The following TMPRSS4 variants were observed in gnomAD, a reference collection of about 807,000 sequenced individuals.
TMPRSS4 encodes the protein transmembrane protease serine 4.
TMPRSS4 carries 45 observed loss-of-function variants against 56.4 expected under a neutral mutation model. The observed-to-expected ratio is 0.80, with a 90% CI of 0.63 to 1.02. The LOEUF is 1.02. Among genes scored for constraint, TMPRSS4 ranks in the 50% least tolerant of loss-of-function variants. TMPRSS4 has a pLI of 0.00. For synonymous variants in TMPRSS4, 205 were observed against 211.0 expected, an observed-to-expected ratio of 0.97 and a Z score of 0.25; for missense variants, 546 against 556.7, an observed-to-expected ratio of 0.98 and a Z score of 0.19.
chr11:118,094,586 G>C (rs1457679689), intron 1 of TMPRSS4, among the ~76,000 whole-genome samples: 5 of 152,192 alleles, frequency 3.3e-5, no homozygotes, highest in African/African-American at 1.2e-4. Flanking sequence ...TTCTACAATT[G>C]CTAACCAGTT....
chr11:118,090,093 C>T (rs1309984896), intron 1 of TMPRSS4, among the ~76,000 whole-genome samples: 3 of 152,146 alleles, frequency 2.0e-5, no homozygotes, highest in South Asian at 4.1e-4. Context: ...CCACCCGCCT[C>T]AGCCTCCCAA....
In TMPRSS4 at chr11:118,121,123, C is replaced by A. The variant is rs1018696868; in HGVS notation, c.*3210C>A. On this transcript the variant is annotated 3_prime_UTR_variant, in exon 13 of 13. Transcript: ENST00000437212. Reference sequence around the variant, plus strand: ...AGCATGCCAAAAGATAACAATCAATCAGGGATTGTGAACCCTACAAAACTA... The same window carrying A: ...AGCATGCCAAAAGATAACAATCAATAAGGGATTGTGAACCCTACAAAACTA... 1 of 151,996 alleles carries A rather than the reference C, an allele frequency of 6.6e-6. No homozygotes were observed. The highest frequency in any genetic ancestry group is 1.5e-5 in the Non-Finnish European group (1 of 68,032). 9.4% of individuals were successfully genotyped at this position (151,996 alleles called of 1,614,324 possible). A position where few individuals can be genotyped will look rare whatever the true frequency, so the allele number is the denominator to read the frequency against.
intron 1 of TMPRSS4, chr11:118,086,720 A>T (rs1324088316): frequency 3.3e-5 from 5 of 153,032 alleles, no homozygotes; most frequent in Non-Finnish European, 7.3e-5. Context: ...CTGCCCCATG[A>T]TCTTCCAGCC....
intron 1 of TMPRSS4, among the ~76,000 whole-genome samples, chr11:118,093,824 C>CCG (rs998628639): frequency 3.3e-5 from 5 of 151,386 alleles, no homozygotes; most frequent in Admixed American, 6.6e-5. Flanking sequence ...AACTGCCCCC[C>CCG]CCAATGGTAA....
At position 118,111,758 on chromosome 11, in the gene TMPRSS4, A is replaced by G. The variant is rs1373375078; in HGVS notation, c.601A>G (p.Lys201Glu). ...GTGTCCAGCCTGTGGGAAGAGCCTG[A>G]AGACCCCCCGTGTGGTGGGTGTGGA... ...LHCLACGKSLKTPRVVGVEEA... is the reference protein window; with the variant it reads ...LHCLACGKSLETPRVVGVEEA... Residue 201 changes from lysine (K) to glutamate (E), a missense_variant, in exon 8 of 13, where the codon AAG becomes GAG. By Grantham distance (56) the Lys-to-Glu change is moderately conservative. Transcript: ENST00000437212. 7 of 1,585,444 alleles carry G rather than the reference A, an allele frequency of 4.4e-6. No individual in the cohort carries two copies. Among genetic ancestry groups the G allele is most frequent in the Non-Finnish European group, 6.0e-6 (7 of 1,168,358 alleles).
chr11:118,087,033 G>T (rs61007905), intron 1 of TMPRSS4, among the ~76,000 whole-genome samples: 2,138 of 151,900 alleles, frequency 0.014, 55 homozygotes, highest in African/African-American at 0.049. Context: ...CTTATTACTG[G>T]CCTCAGCAAC....
At chr11:118,109,487 C>CG (rs886470172) in intron 7 of TMPRSS4, among the ~76,000 whole-genome samples, 4 of 152,118 alleles carry the variant, frequency 2.6e-5, no homozygotes, top group Admixed American at 2.6e-4. Context: ...GAGAGCTGGC[C>CG]GGGGGTCAGA....
chr11:118,081,630 C>A (rs1217997772), intron 1 of TMPRSS4, among the ~76,000 whole-genome samples: 1 of 152,246 alleles, frequency 6.6e-6, no homozygotes, highest in East Asian at 1.9e-4. Flanking sequence ...GTGGCAGTCG[C>A]GTCTCCTGTC....
At chr11:118,097,860 T>C (rs977036003) in intron 2 of TMPRSS4, among the ~76,000 whole-genome samples, 4 of 152,168 alleles carry the variant, frequency 2.6e-5, no homozygotes, top group African/African-American at 9.7e-5. Flanking sequence ...AACCTCCGTC[T>C]CCTGGGTTCA....
intron 11 of TMPRSS4, among the ~76,000 whole-genome samples, chr11:118,116,730 T>TTTGAGAC (rs1947573787): frequency 6.6e-6 from 1 of 151,002 alleles, no homozygotes; most frequent in Non-Finnish European, 1.5e-5. Context: ...TTTTTTTTTT[T>TTTGAGAC]TGAGACTGAG....
At chr11:118,100,152 G>A (rs990015836) in intron 3 of TMPRSS4, among the ~76,000 whole-genome samples, 2 of 152,062 alleles carry the variant, frequency 1.3e-5, no homozygotes, top group Non-Finnish European at 2.9e-5. Flanking sequence ...CTCAGTCTCC[G>A]CACCTGTAAA....
intron 1 of TMPRSS4, chr11:118,088,070 G>T (rs148651207): frequency 6.6e-6 from 1 of 152,314 alleles, no homozygotes; most frequent in East Asian, 1.9e-4. Context: ...ATCCAACAAG[G>T]CTGCATTGCA....
At chr11:118,079,271 A>T (rs1944943569) in intron 1 of TMPRSS4, among the ~76,000 whole-genome samples, 1 of 152,052 alleles carries the variant, frequency 6.6e-6, no homozygotes, top group East Asian at 1.9e-4. Flanking sequence ...GGAGGATGGG[A>T]TCTCCACACC....
intron 3 of TMPRSS4, among the ~76,000 whole-genome samples, chr11:118,100,183 C>T (rs12270973): frequency 0.048 from 7,271 of 152,162 alleles, 579 homozygotes; most frequent in African/African-American, 0.17. Flanking sequence ...TCCCTCAGAG[C>T]GATATCATGA....
chr11:118,118,899 G>C lies in TMPRSS4; in HGVS notation c.*986G>C, dbSNP rs1001049539. On this transcript the variant is annotated 3_prime_UTR_variant, in exon 13 of 13. Transcript: ENST00000437212. ...AAAAACAAAAAGGATCAGCTGCCAGGTGTGAGGCAGTCCCCAAGCTGAGTT... is the reference window on the plus strand; with the variant it reads ...AAAAACAAAAAGGATCAGCTGCCAGCTGTGAGGCAGTCCCCAAGCTGAGTT... 1.0e-6 allele frequency: 1 copy of C among 985,312 alleles called. No homozygotes were observed. Among genetic ancestry groups the C allele is most frequent in the African/African-American group, 1.7e-5 (1 of 57,224 alleles). 61.0% of individuals were successfully genotyped at this position (985,312 alleles called of 1,614,324 possible). A position where few individuals can be genotyped will look rare whatever the true frequency, so the allele number is the denominator to read the frequency against.
Position 118,108,949 on chromosome 11 carries a change from G to A in TMPRSS4, c.583+53G>A, listed in dbSNP as rs1010501151. 5.0e-6 allele frequency: 8 copies of A among 1,588,602 alleles called. No individual in the cohort carries two copies. In the African/African-American group the frequency reaches 6.8e-5, roughly 13 times the overall value. On this transcript the variant is annotated intron_variant, in intron 7 of 12. Transcript: ENST00000437212. ...GGGGCCTGGGCCAGCAATGAGCAGGGAGGAAGACCTTCATCTTCACTCCTA... is the reference window on the plus strand; with the variant it reads ...GGGGCCTGGGCCAGCAATGAGCAGGAAGGAAGACCTTCATCTTCACTCCTA...
intron 9 of TMPRSS4, among the ~76,000 whole-genome samples, chr11:118,114,082 T>C (rs1947419210): frequency 6.6e-6 from 1 of 152,224 alleles, no homozygotes; most frequent in African/African-American, 2.4e-5. Flanking sequence ...TAATCTGTTT[T>C]ATTGCGTTTA....
At chr11:118,106,535 A>AGT (rs1378497697) in intron 5 of TMPRSS4, 3 of 148,436 alleles carry the variant, frequency 2.0e-5, no homozygotes, top group African/African-American at 7.5e-5. Flanking sequence ...CCCAGGCTGG[A>AGT]GTGCAATGGC....
chr11:118,099,773 AAG>A (rs1238400840), intron 3 of TMPRSS4, among the ~76,000 whole-genome samples: 2 of 152,106 alleles, frequency 1.3e-5, no homozygotes, highest in Non-Finnish European at 2.9e-5. Flanking sequence ...GGAGGGGAGA[AAG>A]AGGAGGCAGC....
Sources: allele counts gnomAD v4.1 joint callset (sites outside exome capture counted in the v4.1 genomes callset), GRCh38; gene constraint gnomAD v4.1.1; transcripts MANE v1.5; gene names NCBI Gene and HGNC (gene_info 2026-07-23, HGNC 2026-07-21).